Variants in PLCE1 observed in about 807,000 individuals in gnomAD.
PLCE1 encodes phospholipase C epsilon 1.
PLCE1 carries 119 observed loss-of-function variants against 242.8 expected under a neutral mutation model. That is an observed-to-expected ratio of 0.49 (90% CI 0.42 to 0.57). PLCE1 has a LOEUF of 0.57. PLCE1 is among the 20% of genes least tolerant of loss of function. The pLI is 0.00. For synonymous variants in PLCE1, 945 were observed against 1,017.4 expected, an observed-to-expected ratio of 0.93 and a Z score of 1.35; for missense variants, 2,441 against 2,788.8, an observed-to-expected ratio of 0.88 and a Z score of 2.81.
chr10:94,166,585 T>C (rs1280706943), intron 3 of PLCE1, among the ~76,000 whole-genome samples: 2 of 145,782 alleles, frequency 1.4e-5, no homozygotes, highest in African/African-American at 2.7e-5. Flanking sequence ...AAAAGGTGTG[T>C]GTGTGTGTGT....
intron 32 of PLCE1, among the ~76,000 whole-genome samples, chr10:94,326,967 T>A (rs1173100279): frequency 1.3e-5 from 2 of 151,934 alleles, no homozygotes; most frequent in Admixed American, 6.5e-5. Flanking sequence ...GAGACCATCC[T>A]GGCCAACATG....
intron 3 of PLCE1, among the ~76,000 whole-genome samples, chr10:94,167,116 C>T (rs1479169077): frequency 6.6e-6 from 1 of 152,150 alleles, no homozygotes; most frequent in African/African-American, 2.4e-5. Context: ...ATGGCGAAAC[C>T]CTGTGTCTAC....
chr10:94,135,544 C>A (rs999179178), intron 3 of PLCE1, among the ~76,000 whole-genome samples: 20 of 152,174 alleles, frequency 1.3e-4, no homozygotes, highest in African/African-American at 4.3e-4. Flanking sequence ...TCTACAAGTT[C>A]ATTTCCCAGG....
chr10:94,143,851 C>G (rs570724173), intron 3 of PLCE1, among the ~76,000 whole-genome samples: 2 of 152,266 alleles, frequency 1.3e-5, no homozygotes, highest in African/African-American at 4.8e-5. Flanking sequence ...AAAATATTTT[C>G]TATAATGTTA....
intron 8 of PLCE1, among the ~76,000 whole-genome samples, chr10:94,248,467 A>G (rs778542836): frequency 1.7e-4 from 26 of 152,068 alleles, no homozygotes; most frequent in Non-Finnish European, 2.9e-4. Context: ...TCATGCACCT[A>G]TAATCCCAGC....
intron 3 of PLCE1, among the ~76,000 whole-genome samples, chr10:94,150,673 T>C (rs898485012): frequency 6.6e-6 from 1 of 152,174 alleles, no homozygotes; most frequent in Non-Finnish European, 1.5e-5. Flanking sequence ...TCACAGGAGG[T>C]TGACCAGATG....
Position 94,132,313 on chromosome 10 carries a change from C to CT in PLCE1, c.1347dup (p.Val450CysfsTer3). The CT allele has an allele frequency of 6.2e-7, 1 of 1,614,056 alleles. No homozygotes were observed. Among genetic ancestry groups the CT allele is most frequent in the South Asian group, 1.1e-5 (1 of 91,066 alleles). On this transcript the variant is annotated frameshift_variant, in exon 3 of 33. Transcript: ENST00000371380. LOFTEE classifies it high-confidence loss of function. ...TGCTTAAAGCAATGTGTCCGAGACA[C>CT]TGTATGTGAGTATCGCGCCACCCTC...
At chr10:94,280,144 TACG>T (rs2052147108) in intron 20 of PLCE1, 2 of 548,274 alleles carry the variant, frequency 3.6e-6, no homozygotes, top group Admixed American at 3.1e-5. Flanking sequence ...GAGTCATTCC[TACG>T]ACAAGTTTCT....
At chr10:94,237,444 T>C (rs1483228622) in intron 7 of PLCE1, among the ~76,000 whole-genome samples, 1 of 152,178 alleles carries the variant, frequency 6.6e-6, no homozygotes, top group Non-Finnish European at 1.5e-5. Flanking sequence ...GTTATGAAAT[T>C]TTTGTCTCTA....
At chr10:94,263,320 T>C (rs57866767) in intron 14 of PLCE1, among the ~76,000 whole-genome samples, 70,695 of 151,214 alleles carry the variant, frequency 0.47, 16,751 homozygotes, top group Middle Eastern at 0.62. Context: ...TCAAGACCAG[T>C]CTGGCCAACA....
intron 3 of PLCE1, among the ~76,000 whole-genome samples, chr10:94,153,119 A>G (rs1293458436): frequency 1.3e-5 from 2 of 152,178 alleles, no homozygotes; most frequent in African/African-American, 2.4e-5. Context: ...GCAGTTTACC[A>G]TCTGTTCTTG....
chr10:94,035,209 A>G (rs2061640109), intron 2 of PLCE1, among the ~76,000 whole-genome samples: 1 of 152,330 alleles, frequency 6.6e-6, no homozygotes, highest in East Asian at 1.9e-4. Flanking sequence ...TTAAGAGCAC[A>G]ATCGAAATTT....
rs1361550737 is a variant in PLCE1 at position 94,328,020 on chromosome 10, A to G, written c.*77A>G. The G allele has an allele frequency of 3.8e-6, 2 of 528,874 alleles. No homozygotes were observed. The highest frequency in any genetic ancestry group is 3.9e-5 in the Admixed American group (2 of 51,030). 32.8% of individuals were successfully genotyped at this position (528,874 alleles called of 1,614,324 possible). A position where few individuals can be genotyped will look rare whatever the true frequency, so the allele number is the denominator to read the frequency against. ...GAGTGAACATGGTGGAAAAAATATA[A>G]TTATTTTCATCAGACTTAAACTGGA... On this transcript the variant is annotated 3_prime_UTR_variant, in exon 33 of 33. Transcript: ENST00000371380.
chr10:94,231,786 C>G (rs1352299679), intron 5 of PLCE1, among the ~76,000 whole-genome samples: 1 of 152,262 alleles, frequency 6.6e-6, no homozygotes, highest in East Asian at 1.9e-4. Context: ...AGATCCCTTA[C>G]ATGCACAGTT....
chr10:94,322,376 C>T (rs533647696), intron 30 of PLCE1, among the ~76,000 whole-genome samples: 2 of 151,936 alleles, frequency 1.3e-5, no homozygotes, highest in East Asian at 1.9e-4. Flanking sequence ...AAACAACCAA[C>T]CCAGTGGCTC....
chr10:94,305,337 A>G (rs2133622202), intron 25 of PLCE1, among the ~76,000 whole-genome samples: 1 of 152,340 alleles, frequency 6.6e-6, no homozygotes. Context: ...TGGGAGTCTG[A>G]GGCTGGAGAA....
intron 8 of PLCE1, among the ~76,000 whole-genome samples, chr10:94,248,709 A>G (rs2050774743): frequency 6.6e-6 from 1 of 151,898 alleles, no homozygotes; most frequent in African/African-American, 2.4e-5. Flanking sequence ...TGTGAATGTC[A>G]GTTTTTAATT....
chr10:94,293,844 T>C (rs2052719124), intron 23 of PLCE1, among the ~76,000 whole-genome samples: 1 of 152,196 alleles, frequency 6.6e-6, no homozygotes, highest in African/African-American at 2.4e-5. Flanking sequence ...CAGTGGCTCA[T>C]GCCTGTAATC....
chr10:94,264,631 C>G (rs941759703), intron 14 of PLCE1, among the ~76,000 whole-genome samples: 1 of 147,670 alleles, frequency 6.8e-6, no homozygotes, highest in African/African-American at 2.5e-5. Flanking sequence ...AAGCAATTCT[C>G]CTGCCTCAGC....
Sources: gnomAD v4.1 joint callset for allele counts (sites outside exome capture counted in the v4.1 genomes callset) on GRCh38, gnomAD v4.1.1 for gene constraint, MANE v1.5 for transcripts, NCBI Gene and HGNC (gene_info 2026-07-23, HGNC 2026-07-21) for gene names.